DOCK1: variants seen among roughly 807,000 people sequenced by gnomAD.
DOCK1 encodes the protein dedicator of cytokinesis 1.
Under a neutral mutation model 262.7 loss-of-function variants are expected in DOCK1, and 138 were observed. The ratio of observed to expected loss-of-function variants is 0.53; its 90% CI spans 0.46 to 0.61. The LOEUF (loss-of-function observed/expected upper bound fraction) is 0.61. Ranked by LOEUF, DOCK1 falls within the 20% of genes least tolerant of loss-of-function variation. The pLI, the probability that DOCK1 is intolerant of heterozygous loss-of-function variation, is 0.00. For synonymous variants in DOCK1, 866 were observed against 867.4 expected (o/e 1.00, Z 0.03); for missense variants, 1,908 against 2,370.7 (o/e 0.80, Z 4.05).
intron 27 of DOCK1, among the ~76,000 whole-genome samples, chr10:127,237,562 T>C (rs2059118951): frequency 6.6e-6 from 1 of 152,118 alleles, no homozygotes; most frequent in Non-Finnish European, 1.5e-5. Flanking sequence ...AGCATGCATA[T>C]GGTGGAGCTT....
In DOCK1 at chr10:127,176,187, C is replaced by G. The variant is rs375404920; in HGVS notation, c.2847+48423C>G. The G allele has an allele frequency of 2.5e-6, 4 of 1,614,154 alleles. No homozygotes were observed. The highest frequency in any genetic ancestry group is 3.4e-6 in the Non-Finnish European group (4 of 1,180,032). On this transcript the variant is annotated intron_variant, in intron 27 of 51. Coordinates refer to ENST00000623213, the MANE Select transcript of DOCK1 (RefSeq NM_001290223.2). The surrounding 1 kb of genome is among the most constrained non-coding windows in gnomAD (Gnocchi z 4.4). ...CACGGGCTTGGCCTCCCGCTTCTCC[C>G]CCAGCTGGCCCGAGGACAGCTGTGT...
chr10:127,200,084 G>A (rs1342896904), intron 27 of DOCK1, among the ~76,000 whole-genome samples: 1 of 152,188 alleles, frequency 6.6e-6, no homozygotes, highest in East Asian at 1.9e-4. Context: ...GACAGAGCTC[G>A]CTATGGACGT....
chr10:126,906,732 G>A (rs1024000686), intron 1 of DOCK1, among the ~76,000 whole-genome samples: 1 of 152,168 alleles, frequency 6.6e-6, no homozygotes, highest in Non-Finnish European at 1.5e-5. Flanking sequence ...CTGACTTTTG[G>A]GAAGCGCCCT....
chr10:126,987,553 C>A lies in DOCK1; in HGVS notation c.260C>A (p.Pro87His). The change falls in exon 5 of 52, where the codon CCC (proline) becomes CAC (histidine). Residue 87 changes from proline (P) to histidine (H), a missense_variant. Physicochemically the swap from Pro to His is moderately conservative, Grantham distance 77. Coordinates refer to ENST00000623213, the MANE Select transcript of DOCK1 (RefSeq NM_001290223.2). ...GAAACAGTCATCCCGGGTGACCTCC[C>A]CCTCATCCAGGAAGTCACCACGACA... Reference protein sequence around the residue: ...QHETVIPGDLPLIQEVTTTLR... With the variant: ...QHETVIPGDLHLIQEVTTTLR... 6.3e-7 allele frequency: 1 copy of A among 1,581,742 alleles called. No homozygotes were observed. Among genetic ancestry groups the A allele is most frequent in the South Asian group, 1.2e-5 (1 of 85,862 alleles).
intron 21 of DOCK1, among the ~76,000 whole-genome samples, chr10:127,043,775 G>C (rs1422390520): frequency 6.6e-6 from 1 of 152,202 alleles, no homozygotes; most frequent in African/African-American, 2.4e-5. Context: ...TCTGGAGTCA[G>C]GCTGCCTGGG....
At chr10:126,934,912 C>T (rs1240568743) in intron 1 of DOCK1, among the ~76,000 whole-genome samples, 7 of 152,096 alleles carry the variant, frequency 4.6e-5, no homozygotes, top group African/African-American at 1.4e-4. Flanking sequence ...GTCAGGAGAC[C>T]ATCCTGGCTA....
At chr10:127,350,030 G>A (rs1034932705) in intron 31 of DOCK1, among the ~76,000 whole-genome samples, 5 of 152,120 alleles carry the variant, frequency 3.3e-5, no homozygotes, top group African/African-American at 9.7e-5. Context: ...TAGCTTTAAA[G>A]GGGAGACAAT....
chr10:127,018,659 T>C, intron 12 of DOCK1, 51 bp from the exon 13 acceptor site: 1 of 1,611,116 alleles, frequency 6.2e-7, no homozygotes, highest in Non-Finnish European at 8.5e-7. Context: ...TGAAAACTTC[T>C]AAAAATGCAT....
At chr10:127,130,606 T>C (rs1220154638) in intron 27 of DOCK1, among the ~76,000 whole-genome samples, 3 of 152,212 alleles carry the variant, frequency 2.0e-5, no homozygotes, top group Non-Finnish European at 4.4e-5. Flanking sequence ...CAGGATGTCT[T>C]TGAGAAATTT....
intron 29 of DOCK1, among the ~76,000 whole-genome samples, chr10:127,321,169 G>A (rs931161295): frequency 1.3e-4 from 20 of 151,250 alleles, no homozygotes; most frequent in Admixed American, 5.3e-4. Context: ...TTTCCCTCTG[G>A]CATGTCTCAT....
At chr10:127,351,810 G>T (rs912342939) in intron 31 of DOCK1, among the ~76,000 whole-genome samples, 2 of 152,214 alleles carry the variant, frequency 1.3e-5, no homozygotes, top group South Asian at 4.2e-4. Flanking sequence ...TCTGGGGCAT[G>T]TATAGATTCA....
rs182917278 is a variant in DOCK1, at chr10:127,240,819, A to G, written c.2848-7189A>G. Among the ~76,000 whole-genome samples, 24 of 152,300 alleles carry G rather than the reference A, an allele frequency of 1.6e-4. 1 individual carries two copies. The East Asian group carries it at 2.5e-3, about 16-fold the overall frequency. The stretch of plus-strand genomic sequence containing the variant: ...AACAAGGAGAAGCTATCTCATTTCT[A>G]TTTCAACAAATATAAGTGAAAGAAC... On this transcript the variant is annotated intron_variant, in intron 27 of 51. Transcript: ENST00000623213.
chr10:127,074,198 AT>A (rs1425799653), intron 23 of DOCK1, among the ~76,000 whole-genome samples: 4 of 152,230 alleles, frequency 2.6e-5, no homozygotes, highest in African/African-American at 9.7e-5. Flanking sequence ...TATTGATGAA[AT>A]CATGGAGTTA....
chr10:127,032,428 C>G lies in DOCK1; in HGVS notation c.1912+108C>G, dbSNP rs1283792392. 6.9e-5 allele frequency: 80 copies of G among 1,167,372 alleles called. No homozygotes were observed. In the East Asian group the frequency reaches 2.2e-3, roughly 32 times the overall value. 72.3% of individuals were successfully genotyped at this position (1,167,372 alleles called of 1,614,324 possible). ...GTGCTCCGTAGGTGCATGAACGTCACCCATAAGGCATTCATTGCATCGGGC... is the reference window on the plus strand; with the variant it reads ...GTGCTCCGTAGGTGCATGAACGTCAGCCATAAGGCATTCATTGCATCGGGC... On this transcript the variant is annotated intron_variant, in intron 18 of 51. Coordinates refer to ENST00000623213, the MANE Select transcript of DOCK1 (RefSeq NM_001290223.2).
chr10:126,991,873 C>A (rs1321274250), intron 6 of DOCK1, among the ~76,000 whole-genome samples: 1 of 152,116 alleles, frequency 6.6e-6, no homozygotes, highest in Non-Finnish European at 1.5e-5. Context: ...TGCTGGACAG[C>A]AGATTTGGAA....
At chr10:127,164,208 G>A (rs1284789711) in intron 27 of DOCK1, among the ~76,000 whole-genome samples, 9 of 103,636 alleles carry the variant, frequency 8.7e-5, no homozygotes, top group African/African-American at 3.4e-4. Context: ...TTTTGAGACA[G>A]AGTCCTGCTC....
At chr10:127,102,527 C>G (rs150678887) in intron 23 of DOCK1, among the ~76,000 whole-genome samples, 2,461 of 152,326 alleles carry the variant, frequency 0.016, 32 homozygotes, top group Non-Finnish European at 0.024. Context: ...TATTCTTAGT[C>G]ACTTAAAAAA....
chr10:127,189,821 G>GA (rs1358598481), intron 27 of DOCK1, among the ~76,000 whole-genome samples: 3 of 152,010 alleles, frequency 2.0e-5, no homozygotes, highest in South Asian at 2.1e-4. Flanking sequence ...TTTACGCAAG[G>GA]AAAAAAAGAC....
At chr10:127,408,226 C>A (rs371405694) in intron 40 of DOCK1, among the ~76,000 whole-genome samples, 2 of 152,132 alleles carry the variant, frequency 1.3e-5, no homozygotes, top group Non-Finnish European at 2.9e-5. Context: ...CTAGCCTAGC[C>A]GTCTATAACA....
Sources: allele counts gnomAD v4.1 joint callset (sites outside exome capture counted in the v4.1 genomes callset), GRCh38; gene constraint gnomAD v4.1.1; non-coding constraint Gnocchi (gnomAD v3.1); transcripts MANE v1.5; gene names NCBI Gene and HGNC (gene_info 2026-07-23, HGNC 2026-07-21).